RIC8B: variants seen among roughly 807,000 people sequenced by gnomAD.
RIC8B encodes the protein RIC8 guanine nucleotide exchange factor B, also known as chaperone Ric-8B.
Under a neutral mutation model 57.5 loss-of-function variants are expected in RIC8B, and 16 were observed. The ratio of observed to expected loss-of-function variants is 0.28; its 90% CI spans 0.19 to 0.42. The LOEUF is 0.42. Ranked by LOEUF, RIC8B falls within the 10% of genes least tolerant of loss-of-function variation. RIC8B has a pLI of 1.00. For synonymous variants in RIC8B, 216 were observed against 250.8 expected (o/e 0.86, Z 1.31); for missense variants, 481 against 677.0 (o/e 0.71, Z 3.21).
intron 2 of RIC8B, among the ~76,000 whole-genome samples, chr12:106,789,028 G>A (rs2044154138): frequency 6.6e-6 from 1 of 152,142 alleles, no homozygotes; most frequent in Non-Finnish European, 1.5e-5. Flanking sequence ...CAGCACCCAA[G>A]TCACCTCTTG....
chr12:106,821,215 G>T (rs2045827252), intron 3 of RIC8B, among the ~76,000 whole-genome samples: 1 of 152,168 alleles, frequency 6.6e-6, no homozygotes, highest in African/African-American at 2.4e-5. Flanking sequence ...TCACACAGTA[G>T]AATAACCAAC....
intron 4 of RIC8B, among the ~76,000 whole-genome samples, chr12:106,827,564 A>G (rs1328243009): frequency 6.6e-6 from 1 of 152,192 alleles, no homozygotes; most frequent in African/African-American, 2.4e-5. Context: ...ATTTGCTGGT[A>G]GGTTATCTCA....
At chr12:106,828,561 TG>T (rs1485836772) in intron 4 of RIC8B, among the ~76,000 whole-genome samples, 4 of 152,226 alleles carry the variant, frequency 2.6e-5, no homozygotes, top group Non-Finnish European at 5.9e-5. Flanking sequence ...TAGGTAACCC[TG>T]GGTAGCACAG....
intron 6 of RIC8B, among the ~76,000 whole-genome samples, chr12:106,847,565 T>C (rs1949260190): frequency 6.6e-6 from 1 of 152,150 alleles, no homozygotes; most frequent in Non-Finnish European, 1.5e-5. Flanking sequence ...CCATAAACAC[T>C]TTAGATAGGT....
chr12:106,776,059 C>T (rs978562590), intron 1 of RIC8B, among the ~76,000 whole-genome samples: 1 of 152,082 alleles, frequency 6.6e-6, no homozygotes, highest in Non-Finnish European at 1.5e-5. Context: ...ATGGTATTCC[C>T]CAATTCACAA....
At chr12:106,823,313 A>C (rs1461666417) in intron 3 of RIC8B, 8 of 390,478 alleles carry the variant, frequency 2.0e-5, no homozygotes, top group African/African-American at 1.0e-4. Context: ...TGCAAAGAGC[A>C]GAGGCAAACA....
chr12:106,804,368 C>T (rs541206755), intron 2 of RIC8B, among the ~76,000 whole-genome samples: 1 of 152,264 alleles, frequency 6.6e-6, no homozygotes, highest in East Asian at 1.9e-4. Flanking sequence ...GCGCCCACTA[C>T]CACGCCCATC....
rs1951194004 is a variant in RIC8B, at chr12:106,886,614, A to G, written c.*599A>G. The G allele has an allele frequency of 6.5e-6, 1 of 152,696 alleles. No homozygotes were observed. Among genetic ancestry groups the G allele is most frequent in the Admixed American group, 6.5e-5 (1 of 15,278 alleles). The allele number at this position is 152,696 out of a possible 1,614,324, so 9.5% of individuals were successfully genotyped here. On this transcript the variant is annotated 3_prime_UTR_variant, in exon 10 of 10. Transcript: ENST00000392837. ...CTAAAAGTTTGTATGTCAGTTAGCT[A>G]AAACTTCAGAATACATTTCTCCCTA...
chr12:106,797,071 A>G (rs951716634), intron 2 of RIC8B, among the ~76,000 whole-genome samples: 8 of 152,236 alleles, frequency 5.3e-5, no homozygotes, highest in African/African-American at 1.7e-4. Context: ...GTGGGAATGT[A>G]GTATGGTGCA....
intron 2 of RIC8B, 38 bp downstream of exon 2, chr12:106,784,082 T>C: frequency 1.3e-6 from 2 of 1,562,128 alleles, no homozygotes; most frequent in Middle Eastern, 3.4e-4. Context: ...TTTATGTGTG[T>C]GTGTATTGCA....
chr12:106,857,938 A>T (rs1449975858), intron 7 of RIC8B, among the ~76,000 whole-genome samples: 1 of 152,192 alleles, frequency 6.6e-6, no homozygotes, highest in Non-Finnish European at 1.5e-5. Context: ...CTTTGAAAGC[A>T]AACTATGTCT....
At chr12:106,790,501 G>GTAC (rs2044221318) in intron 2 of RIC8B, among the ~76,000 whole-genome samples, 1 of 152,196 alleles carries the variant, frequency 6.6e-6, no homozygotes, top group Non-Finnish European at 1.5e-5. Flanking sequence ...TGAAGCATTT[G>GTAC]CTTTATATTC....
At chr12:106,827,138 G>A (rs944624978) in intron 4 of RIC8B, among the ~76,000 whole-genome samples, 2 of 152,182 alleles carry the variant, frequency 1.3e-5, no homozygotes, top group Admixed American at 6.5e-5. Context: ...ACGGACTGCT[G>A]TAAAAATTTA....
chr12:106,775,488 C>T (rs1232760481), intron 1 of RIC8B: 2 of 381,352 alleles, frequency 5.2e-6, no homozygotes, highest in Non-Finnish European at 1.1e-5. Flanking sequence ...TAACAGCTTT[C>T]CTATCCATTA....
chr12:106,795,934 T>G (rs2044460453), intron 2 of RIC8B, among the ~76,000 whole-genome samples: 1 of 152,156 alleles, frequency 6.6e-6, no homozygotes, highest in Non-Finnish European at 1.5e-5. Context: ...AGCCCTAGAA[T>G]AATGACTAAG....
At chr12:106,818,990 T>G (rs1376182764) in intron 3 of RIC8B, among the ~76,000 whole-genome samples, 1 of 152,136 alleles carries the variant, frequency 6.6e-6, no homozygotes, top group Non-Finnish European at 1.5e-5. Context: ...GGTCTCGAAC[T>G]CCCGACCTCA....
At chr12:106,788,357 A>G (rs138889447) in intron 2 of RIC8B, among the ~76,000 whole-genome samples, 1,994 of 152,154 alleles carry the variant, frequency 0.013, 53 homozygotes, top group African/African-American at 0.046. Context: ...GCTGTCAGTG[A>G]TCTACCATTC....
chr12:106,872,987 G>A, intron 9 of RIC8B: 1 of 981,262 alleles, frequency 1.0e-6, no homozygotes, highest in Non-Finnish European at 1.2e-6. Flanking sequence ...CTCTATCACA[G>A]GCACAGAAAA....
chr12:106,868,839 A>C (rs922778997), intron 8 of RIC8B, among the ~76,000 whole-genome samples: 2 of 128,006 alleles, frequency 1.6e-5, no homozygotes, highest in East Asian at 5.0e-4. Context: ...GTCTAAGGTG[A>C]GGCCCAAGCT....
Sources: allele counts gnomAD v4.1 joint callset (sites outside exome capture counted in the v4.1 genomes callset), GRCh38; gene constraint gnomAD v4.1.1; transcripts MANE v1.5; gene names NCBI Gene and HGNC (gene_info 2026-07-23, HGNC 2026-07-21).